B3GALT1: variants seen among roughly 807,000 people sequenced by gnomAD.
B3GALT1 encodes UDP-Gal:betaGlcNAc beta 1,3-galactosyltransferase, polypeptide 1.
In B3GALT1, 10 loss-of-function variants were observed where a neutral mutation model predicts 23.2. The observed-to-expected ratio is 0.43, with a 90% confidence interval of 0.27 to 0.73. The LOEUF (loss-of-function observed/expected upper bound fraction) is 0.73, where lower values mean the gene tolerates loss of function less well. B3GALT1 is among the 30% of genes least tolerant of loss of function. The pLI is 0.21. For synonymous variants in B3GALT1, 156 were observed against 141.5 expected (o/e 1.10, Z -0.73); for missense variants, 299 against 405.4 (o/e 0.74, Z 2.25).
intron 1 of B3GALT1, among the ~76,000 whole-genome samples, chr2:167,324,177 A>G (rs77374806): frequency 0.034 from 5,213 of 152,164 alleles, 252 homozygotes; most frequent in African/African-American, 0.11. Context: ...TCAAAATGCA[A>G]TTCAAGCTAT....
intron 3 of B3GALT1, among the ~76,000 whole-genome samples, chr2:167,776,193 C>T (rs772028547): frequency 2.6e-5 from 4 of 152,076 alleles, no homozygotes; most frequent in Non-Finnish European, 4.4e-5. Flanking sequence ...AGCATTTATG[C>T]AATTAACATA....
chr2:167,371,183 C>T lies in B3GALT1; in HGVS notation c.-511+77849C>T, dbSNP rs537990489. Among the ~76,000 whole-genome samples the T allele has an allele frequency of 2.7e-5, 4 of 150,098 alleles. No homozygotes were observed. The South Asian group carries it at 8.4e-4, about 31-fold the overall frequency. ...ACAAAAAATGTTTGTTCTATGAGGGCAGGTGATTTTTTTTTTTTATCACTG... is the reference window on the plus strand; with the variant it reads ...ACAAAAAATGTTTGTTCTATGAGGGTAGGTGATTTTTTTTTTTTATCACTG... On this transcript the variant is annotated intron_variant, in intron 1 of 4. Coordinates refer to ENST00000392690, the MANE Select transcript of B3GALT1 (RefSeq NM_020981.4).
chr2:167,767,345 T>G (rs1293637419), intron 3 of B3GALT1, among the ~76,000 whole-genome samples: 1 of 152,212 alleles, frequency 6.6e-6, no homozygotes, highest in East Asian at 1.9e-4. Flanking sequence ...AACTGCTCAT[T>G]TCTTTGCGGC....
chr2:167,440,344 G>GAAA (rs745706207), intron 1 of B3GALT1, among the ~76,000 whole-genome samples: 4 of 70,122 alleles, frequency 5.7e-5, no homozygotes, highest in African/African-American at 9.3e-5. Flanking sequence ...GACTCTGTCT[G>GAAA]AAAAAAAAAA....
intron 3 of B3GALT1, among the ~76,000 whole-genome samples, chr2:167,731,068 A>G (rs921548854): frequency 6.6e-5 from 10 of 152,272 alleles, no homozygotes; most frequent in African/African-American, 2.4e-4. Context: ...CCCAGGAAAC[A>G]TGGCTCCAGC....
At chr2:167,832,275 G>A (rs1352976847) in intron 4 of B3GALT1, among the ~76,000 whole-genome samples, 5 of 152,174 alleles carry the variant, frequency 3.3e-5, no homozygotes. Flanking sequence ...ATTTCTAAAA[G>A]TAAGGATGAT....
chr2:167,492,877 A>ATGTGTG (rs61117741), intron 2 of B3GALT1, among the ~76,000 whole-genome samples: 3,496 of 149,166 alleles, frequency 0.023, 56 homozygotes, highest in African/African-American at 0.041. Context: ...GTATTTAGAG[A>ATGTGTG]TGTGTGTGTG....
chr2:167,769,992 T>G (rs539333753), intron 3 of B3GALT1, among the ~76,000 whole-genome samples: 1 of 152,374 alleles, frequency 6.6e-6, no homozygotes, highest in African/African-American at 2.4e-5. Flanking sequence ...GCTATACCAT[T>G]TGGCATTCTC....
At chr2:167,436,551 A>G (rs1042087996) in intron 1 of B3GALT1, among the ~76,000 whole-genome samples, 5 of 152,288 alleles carry the variant, frequency 3.3e-5, no homozygotes, top group African/African-American at 1.2e-4. Flanking sequence ...TTCATTGACA[A>G]ATTGTGTTTA....
intron 3 of B3GALT1, among the ~76,000 whole-genome samples, chr2:167,764,861 G>A (rs1178738472): frequency 6.6e-6 from 1 of 152,044 alleles, no homozygotes; most frequent in Non-Finnish European, 1.5e-5. Flanking sequence ...TGACTGCTTG[G>A]GGGTAAACAA....
chr2:167,436,037 G>T (rs1029171127), intron 1 of B3GALT1, among the ~76,000 whole-genome samples: 1 of 151,438 alleles, frequency 6.6e-6, no homozygotes, highest in Non-Finnish European at 1.5e-5. Flanking sequence ...CTTGCCTACT[G>T]CAGTCGACCT....
intron 1 of B3GALT1, among the ~76,000 whole-genome samples, chr2:167,451,671 T>A (rs1263295567): frequency 6.6e-6 from 1 of 152,194 alleles, no homozygotes; most frequent in African/African-American, 2.4e-5. Context: ...CTAGTCTGCC[T>A]CCTGCCAGGA....
At chr2:167,590,608 C>T (rs1427558615) in intron 2 of B3GALT1, among the ~76,000 whole-genome samples, 1 of 152,096 alleles carries the variant, frequency 6.6e-6, no homozygotes, top group Non-Finnish European at 1.5e-5. Flanking sequence ...GAATTCATGA[C>T]CATAAAGATT....
chr2:167,528,232 T>G (rs574666046), intron 2 of B3GALT1, among the ~76,000 whole-genome samples: 1 of 152,306 alleles, frequency 6.6e-6, no homozygotes, highest in African/African-American at 2.4e-5. Context: ...GCTTCAAGCA[T>G]CCTGGGCTGG....
intron 3 of B3GALT1, among the ~76,000 whole-genome samples, chr2:167,816,858 A>G (rs115593632): frequency 6.6e-6 from 1 of 152,340 alleles, no homozygotes; most frequent in South Asian, 2.1e-4. Context: ...ATGAGGGTTC[A>G]TGCAGACTAA....
rs6719007 is a variant in B3GALT1 at position 167,670,497 on chromosome 2, C to T, written c.-352+23531C>T. Reference sequence around the variant, plus strand: ...TGCAAGATTTCAAGGAACATACACACAAGAAAAATTAAGGAAGCATGATAC... The same window carrying T: ...TGCAAGATTTCAAGGAACATACACATAAGAAAAATTAAGGAAGCATGATAC... On this transcript the variant is annotated intron_variant, in intron 3 of 4. Transcript: ENST00000392690. Among the ~76,000 whole-genome samples, 143 of 152,208 alleles carry T rather than the reference C, an allele frequency of 9.4e-4. 1 individual carries two copies. Among genetic ancestry groups the T allele is most frequent in the East Asian group, 7.7e-3 (40 of 5,168 alleles).
At chr2:167,836,657 G>C (rs538256951) in intron 4 of B3GALT1, among the ~76,000 whole-genome samples, 5 of 152,202 alleles carry the variant, frequency 3.3e-5, no homozygotes, top group East Asian at 1.9e-4. Context: ...CCAACATTCA[G>C]ATTCAGGAAA....
intron 3 of B3GALT1, among the ~76,000 whole-genome samples, chr2:167,792,801 A>C (rs1194766384): frequency 6.6e-6 from 1 of 152,138 alleles, no homozygotes; most frequent in Non-Finnish European, 1.5e-5. Flanking sequence ...GTCAGTTAGA[A>C]AATATTCTAA....
At position 167,749,585 on chromosome 2, in the gene B3GALT1, G is replaced by T. The variant is rs976165593; in HGVS notation, c.-351-69087G>T. On this transcript the variant is annotated intron_variant, in intron 3 of 4. Coordinates refer to ENST00000392690, the MANE Select transcript of B3GALT1 (RefSeq NM_020981.4). Reference sequence around the variant, plus strand: ...AATTTCAGACGCTAATGCCCTGAGGGATCAACTTTTAATCAATTATTGACT... The same window carrying T: ...AATTTCAGACGCTAATGCCCTGAGGTATCAACTTTTAATCAATTATTGACT... Among the ~76,000 whole-genome samples the T allele has an allele frequency of 3.9e-5, 6 of 152,230 alleles. No homozygotes were observed. The South Asian group carries it at 1.2e-3, about 32-fold the overall frequency.
Sources: allele counts gnomAD v4.1 joint callset (sites outside exome capture counted in the v4.1 genomes callset), GRCh38; gene constraint gnomAD v4.1.1; transcripts MANE v1.5; gene names NCBI Gene and HGNC (gene_info 2026-07-23, HGNC 2026-07-21).